HIPK2: variants seen among roughly 807,000 people sequenced by gnomAD.
The protein encoded by HIPK2 is homeodomain-interacting protein kinase 2.
HIPK2 carries 27 observed loss-of-function variants against 113.7 expected under a neutral mutation model. That is an observed-to-expected ratio of 0.24 (90% CI 0.17 to 0.33). The LOEUF (loss-of-function observed/expected upper bound fraction) is 0.33, where lower values mean the gene tolerates loss of function less well. HIPK2 is among the 10% of genes least tolerant of loss of function. The probability of loss-of-function intolerance (pLI) is 1.00; values close to 1 mark genes in which losing one functional copy is unlikely to be tolerated. For missense variants in HIPK2, 1,257 were observed against 1,588.0 expected (o/e 0.79, Z 3.54); for synonymous variants, 631 against 642.2 (o/e 0.98, Z 0.26).
intron 1 of HIPK2, among the ~76,000 whole-genome samples, chr7:139,762,800 A>G (rs897921192): frequency 1.3e-5 from 2 of 152,226 alleles, no homozygotes; most frequent in Admixed American, 1.3e-4. Context: ...ACAACCACAG[A>G]TGGGTTTCTA....
chr7:139,657,217 C>T (rs1036527425), intron 2 of HIPK2, among the ~76,000 whole-genome samples: 1 of 152,188 alleles, frequency 6.6e-6, no homozygotes, highest in Non-Finnish European at 1.5e-5. Context: ...GACAGCTCAC[C>T]CAGGCTTCTG....
chr7:139,730,366 T>C (rs897348182), intron 1 of HIPK2, among the ~76,000 whole-genome samples: 8 of 147,492 alleles, frequency 5.4e-5, no homozygotes, highest in East Asian at 2.0e-4. Context: ...TTTTCTCTCT[T>C]TTTTTTTTTT....
intron 2 of HIPK2, among the ~76,000 whole-genome samples, chr7:139,670,204 G>A (rs1569470018): frequency 6.6e-6 from 1 of 152,118 alleles, no homozygotes; most frequent in Non-Finnish European, 1.5e-5. Flanking sequence ...TTTCCGGGCG[G>A]GTTGGGGTTG....
intron 2 of HIPK2, among the ~76,000 whole-genome samples, chr7:139,699,872 A>T (rs1337616796): frequency 6.6e-6 from 1 of 152,170 alleles, no homozygotes; most frequent in Non-Finnish European, 1.5e-5. Flanking sequence ...CGGGAGGCAC[A>T]CCCTGGAAAA....
chr7:139,740,327 A>ATC (rs752522505), intron 1 of HIPK2, among the ~76,000 whole-genome samples: 1 of 152,222 alleles, frequency 6.6e-6, no homozygotes, highest in African/African-American at 2.4e-5. Context: ...TTAGCCTGGT[A>ATC]TCGCCCCGGA....
At position 139,573,412 on chromosome 7, in the gene HIPK2, C is replaced by T. The variant is rs773018712; in HGVS notation, c.3127-15G>A. 6.3e-7 allele frequency: 1 copy of T among 1,599,372 alleles called. No individual in the cohort carries two copies. Among genetic ancestry groups the T allele is most frequent in the East Asian group, 2.2e-5 (1 of 44,824 alleles). On this transcript the variant is annotated splice_polypyrimidine_tract_variant and intron_variant, in intron 14 of 14. Transcript: ENST00000406875. The stretch of plus-strand genomic sequence containing the variant: ...TGCTGCTGAGCCTGGGGAGGAGAGG[C>T]ACCAAGAGAGACGTCAGGGGCCGAC...
intron 2 of HIPK2, among the ~76,000 whole-genome samples, chr7:139,648,717 C>T (rs1040596416): frequency 3.9e-5 from 6 of 152,062 alleles, no homozygotes; most frequent in Non-Finnish European, 7.4e-5. Context: ...TTACGGAGGA[C>T]GGAGGACGGC....
intron 6 of HIPK2, 35 bp downstream of exon 6, chr7:139,626,566 G>A (rs781271208): frequency 1.2e-5 from 19 of 1,592,762 alleles, no homozygotes; most frequent in East Asian, 6.8e-5. Flanking sequence ...AAAGTTTGCC[G>A]ATCCCTGGTA....
At chr7:139,694,479 C>T (rs1486341697) in intron 2 of HIPK2, among the ~76,000 whole-genome samples, 1 of 152,198 alleles carries the variant, frequency 6.6e-6, no homozygotes, top group Non-Finnish European at 1.5e-5. Context: ...CACTGTCATG[C>T]TGAGGGGTCA....
At chr7:139,593,104 A>G (rs961787726) in intron 12 of HIPK2, among the ~76,000 whole-genome samples, 1 of 152,206 alleles carries the variant, frequency 6.6e-6, no homozygotes, top group African/African-American at 2.4e-5. Context: ...AGCAGGATAG[A>G]ATCTGTATTC....
At chr7:139,587,581 G>A (rs953757179) in intron 12 of HIPK2, among the ~76,000 whole-genome samples, 10 of 151,962 alleles carry the variant, frequency 6.6e-5, no homozygotes, top group Non-Finnish European at 1.2e-4. Flanking sequence ...ACACCCAGAG[G>A]GTGGGAGGGC....
chr7:139,620,633 G>C, intron 6 of HIPK2, 70 bp from the exon 7 acceptor site: 2 of 1,565,584 alleles, frequency 1.3e-6, no homozygotes, highest in Non-Finnish European at 1.7e-6. Context: ...GGGATGAAGG[G>C]GAGAAAACAA....
intron 1 of HIPK2, among the ~76,000 whole-genome samples, chr7:139,767,046 C>T (rs968529280): frequency 7.2e-5 from 11 of 152,312 alleles, no homozygotes; most frequent in South Asian, 2.1e-4. Flanking sequence ...AGTAGAATTG[C>T]GAAGAATGCT....
At chr7:139,677,277 ACACAT>A (rs1802537489) in intron 2 of HIPK2, among the ~76,000 whole-genome samples, 1 of 151,634 alleles carries the variant, frequency 6.6e-6, no homozygotes, top group Non-Finnish European at 1.5e-5. Flanking sequence ...ACACACACAC[ACACAT>A]ATATACACAT....
At chr7:139,748,751 G>A (rs1027730414) in intron 1 of HIPK2, among the ~76,000 whole-genome samples, 3 of 152,050 alleles carry the variant, frequency 2.0e-5, no homozygotes, top group Non-Finnish European at 4.4e-5. Context: ...AAGTACTGGG[G>A]GTTAGGACTT....
At chr7:139,603,130 C>A (rs575578687) in intron 10 of HIPK2, among the ~76,000 whole-genome samples, 3 of 152,184 alleles carry the variant, frequency 2.0e-5, no homozygotes, top group African/African-American at 7.2e-5. Flanking sequence ...TATATCACCA[C>A]CTTTCTTCTT....
At chr7:139,670,432 T>TAA (rs34161299) in intron 2 of HIPK2, among the ~76,000 whole-genome samples, 48,158 of 148,718 alleles carry the variant, frequency 0.32, 8,429 homozygotes, top group East Asian at 0.67. Context: ...AAAAATCAGT[T>TAA]AAAAAAAAAA....
In HIPK2 at chr7:139,736,424, A is replaced by G. The variant is rs976044634; in HGVS notation, c.20-19409T>C. ...CAGGGCACTGCAACTCTGTTTCCAG[A>G]AGGGGCTCGCACACACCAGTGTCAG... On this transcript the variant is annotated intron_variant, in intron 1 of 14. Transcript: ENST00000406875. Among the ~76,000 whole-genome samples, 3 of 152,304 alleles carry G rather than the reference A, an allele frequency of 2.0e-5. No homozygotes were observed. The East Asian group carries it at 5.8e-4, about 29-fold the overall frequency.
intron 2 of HIPK2, among the ~76,000 whole-genome samples, chr7:139,689,875 C>T (rs1205637745): frequency 6.6e-6 from 1 of 152,140 alleles, no homozygotes; most frequent in Non-Finnish European, 1.5e-5. Context: ...AGCGGCAGAG[C>T]TTCCCTGACA....
Sources: allele counts gnomAD v4.1 joint callset (sites outside exome capture counted in the v4.1 genomes callset), GRCh38; gene constraint gnomAD v4.1.1; transcripts MANE v1.5; gene names NCBI Gene and HGNC (gene_info 2026-07-23, HGNC 2026-07-21).